Variants in ANO2 observed in about 807,000 individuals in gnomAD.
The protein encoded by ANO2 is anoctamin 2, also known as anoctamin-2.
ANO2 carries 101 observed loss-of-function variants against 124.2 expected under a neutral mutation model. The observed-to-expected ratio is 0.81, with a 90% CI of 0.69 to 0.96. ANO2 has a LOEUF of 0.96. ANO2 is among the 40% of genes least tolerant of loss of function. The pLI, the probability that ANO2 is intolerant of heterozygous loss-of-function variation, is 0.00. For missense variants in ANO2, 1,293 were observed against 1,274.5 expected (o/e 1.01, Z -0.22); for synonymous variants, 486 against 482.5 (o/e 1.01, Z -0.09).
intron 4 of ANO2, among the ~76,000 whole-genome samples, chr12:5,838,666 C>T (rs1954406387): frequency 6.6e-6 from 1 of 152,224 alleles, no homozygotes. Context: ...CTCCCAGGAG[C>T]CCTTCCTTGC....
Position 5,566,652 on chromosome 12 carries a change from T to C in ANO2, c.2622-989A>G, listed in dbSNP as rs752290379. Among the ~76,000 whole-genome samples the C allele has an allele frequency of 6.6e-5, 10 of 152,312 alleles. No individual in the cohort carries two copies. In the Middle Eastern group the frequency reaches 0.017, roughly 259 times the overall value. On this transcript the variant is annotated intron_variant, in intron 23 of 24. Coordinates refer to ENST00000682330, the MANE Select transcript of ANO2 (RefSeq NM_001364791.2). The stretch of plus-strand genomic sequence containing the variant: ...TAGGGACTCTGCCCGGGTCAATCCC[T>C]GAGCAAAGGGTTTTTCTGGAAGGTT...
Position 5,883,502 on chromosome 12 carries a change from G to GGTGTGTGTGTGTGTGTGT in ANO2, c.535-29379_535-29362dup, listed in dbSNP as rs5796191. On this transcript the variant is annotated intron_variant, in intron 3 of 24. Transcript: ENST00000682330. ...ATGTGTGCGTGTTTGACATTAGGGT[G>GGTGTGTGTGTGTGTGTGT]GTGTGTGTGTGTGTGTGTGTGTGTG... Among the ~76,000 whole-genome samples the GGTGTGTGTGTGTGTGTGT allele has an allele frequency of 1.4e-3, 206 of 144,682 alleles. 1 individual carries two copies. The highest frequency in any genetic ancestry group is 5.1e-3 in the African/African-American group (198 of 38,540). The allele number at this position is 144,682 out of a possible 152,430, so 94.9% of individuals were successfully genotyped here. A position where few individuals can be genotyped will look rare whatever the true frequency, so the allele number is the denominator to read the frequency against.
chr12:5,574,511 A>G (rs1240249572), intron 23 of ANO2, among the ~76,000 whole-genome samples: 4 of 151,646 alleles, frequency 2.6e-5, no homozygotes, highest in African/African-American at 9.8e-5. Context: ...CTCCCTATCA[A>G]TGTAACCACA....
At chr12:5,795,754 T>TA (rs1293645313) in intron 10 of ANO2, among the ~76,000 whole-genome samples, 1 of 152,162 alleles carries the variant, frequency 6.6e-6, no homozygotes, top group Non-Finnish European at 1.5e-5. Flanking sequence ...TTAACTTTAG[T>TA]AAAAAGACAG....
intron 20 of ANO2, among the ~76,000 whole-genome samples, chr12:5,598,499 G>A (rs553388213): frequency 6.6e-6 from 1 of 152,226 alleles, no homozygotes; most frequent in Non-Finnish European, 1.5e-5. Context: ...GGGATTACAG[G>A]TGCCTGCCAC....
At chr12:5,812,400 G>A (rs1174035800) in intron 7 of ANO2, among the ~76,000 whole-genome samples, 1 of 143,416 alleles carries the variant, frequency 7.0e-6, no homozygotes, top group Non-Finnish European at 1.5e-5. Context: ...GGGAAGGAAG[G>A]AAGGAGGGAG....
chr12:5,873,580 G>A (rs567148161), intron 3 of ANO2, among the ~76,000 whole-genome samples: 1 of 152,362 alleles, frequency 6.6e-6, no homozygotes, highest in Non-Finnish European at 1.5e-5. Flanking sequence ...GCTGGGAGGA[G>A]CATGTCCTGG....
At chr12:5,915,865 C>T (rs571017911) in intron 3 of ANO2, among the ~76,000 whole-genome samples, 1 of 152,284 alleles carries the variant, frequency 6.6e-6, no homozygotes, top group Admixed American at 6.5e-5. Flanking sequence ...AAGGAGGCGA[C>T]GATTCATTCT....
chr12:5,672,885 A>G (rs1250937191), intron 14 of ANO2, among the ~76,000 whole-genome samples: 1 of 152,212 alleles, frequency 6.6e-6, no homozygotes, highest in Non-Finnish European at 1.5e-5. Context: ...TGGAAGTTCT[A>G]CATAGTCTTA....
At chr12:5,641,767 A>C (rs2136948608) in intron 15 of ANO2, among the ~76,000 whole-genome samples, 1 of 152,338 alleles carries the variant, frequency 6.6e-6, no homozygotes, top group East Asian at 1.9e-4. Context: ...ATTTATATCA[A>C]GATTTGGAGT....
At chr12:5,627,679 A>C (rs1023451133) in intron 16 of ANO2, among the ~76,000 whole-genome samples, 3 of 152,236 alleles carry the variant, frequency 2.0e-5, no homozygotes, top group African/African-American at 7.2e-5. Flanking sequence ...AGCCATTTGT[A>C]CCTGTGACAC....
intron 1 of ANO2, among the ~76,000 whole-genome samples, chr12:5,931,815 T>C (rs1211321932): frequency 4.6e-3 from 532 of 114,908 alleles, no homozygotes; most frequent in African/African-American, 0.019. Context: ...GGAAAGAAGA[T>C]AGACTAGTAA....
rs955056419 is a variant in ANO2, at chr12:5,635,099, C to G, written c.1816+53G>C. ...TTATTTTATCACCAAAAGCCTTGCA[C>G]GCATTGACTTAAAGAGGGCCTAGGA... On this transcript the variant is annotated intron_variant, in intron 16 of 24. Coordinates refer to ENST00000682330, the MANE Select transcript of ANO2 (RefSeq NM_001364791.2). This position sits in a 1 kb window ranked among gnomAD's most constrained non-coding sequence, Gnocchi z 5.2. 2 of 1,439,176 alleles carry G rather than the reference C, an allele frequency of 1.4e-6. No homozygotes were observed. The highest frequency in any genetic ancestry group is 1.9e-6 in the Non-Finnish European group (2 of 1,080,128). 89.2% of individuals were successfully genotyped at this position (1,439,176 alleles called of 1,614,324 possible). A position where few individuals can be genotyped will look rare whatever the true frequency, so the allele number is the denominator to read the frequency against.
Position 5,563,315 on chromosome 12 carries a change from T to G in ANO2, c.2981A>C (p.Gln994Pro). 6.2e-7 allele frequency: 1 copy of G among 1,600,482 alleles called. No homozygotes were observed. The highest frequency in any genetic ancestry group is 8.5e-7 in the Non-Finnish European group (1 of 1,176,670). The stretch of plus-strand genomic sequence containing the variant: ...CTGAACTGCTCACACATTGGTGTGC[T>G]GAGAGCCTGACGACATCATGCTGCC... ...QLGSMMSSGS[Q>P]HTNV is the part of the protein sequence containing the mutation. Residue 994 changes from glutamine (Q) to proline (P), a missense_variant, in exon 25 of 25, where the codon CAG becomes CCG. Physicochemically the swap from Gln to Pro is moderately conservative, Grantham distance 76 (BLOSUM62 -1). Transcript: ENST00000682330.
chr12:5,795,249 C>T (rs1478188070), intron 10 of ANO2, among the ~76,000 whole-genome samples: 1 of 152,214 alleles, frequency 6.6e-6, no homozygotes, highest in Non-Finnish European at 1.5e-5. Flanking sequence ...GAAATGGTAA[C>T]CCCATAGAGA....
At chr12:5,577,195 G>T (rs763104242) in intron 22 of ANO2, among the ~76,000 whole-genome samples, 1 of 152,222 alleles carries the variant, frequency 6.6e-6, no homozygotes, top group African/African-American at 2.4e-5. Context: ...GGGCTGATTT[G>T]CTCTGCCTCA....
In ANO2 at chr12:5,798,529, C is replaced by T. The variant is rs142014240; in HGVS notation, c.1055+978G>A. 1.7e-3 allele frequency among the ~76,000 whole-genome samples: 256 copies of T among 152,310 alleles called. 1 individual carries two copies. Among genetic ancestry groups the T allele is most frequent in the African/African-American group, 5.4e-3 (223 of 41,574 alleles). On this transcript the variant is annotated intron_variant, in intron 10 of 24. Transcript: ENST00000682330. ...AGCCCAGGGCAACCAGCCAGGAACA[C>T]GCTCTATTCTCAGGCTGATGAATTA...
rs1565638561 is a variant in ANO2 at position 5,748,881 on chromosome 12, A to C, written c.1190+1955T>G. Reference sequence around the variant, plus strand: ...TTCCCTTCACCCTCCAAAAAAAAAAAAAAAAAACAAAACAAAACACTTGAC... The same window carrying C: ...TTCCCTTCACCCTCCAAAAAAAAAACAAAAAAACAAAACAAAACACTTGAC... On this transcript the variant is annotated intron_variant, in intron 11 of 24. Transcript: ENST00000682330. Among the ~76,000 whole-genome samples the C allele has an allele frequency of 1.3e-5, 2 of 151,604 alleles. 1 individual carries two copies. The highest frequency in any genetic ancestry group is 1.3e-4 in the Admixed American group (2 of 15,266).
At chr12:5,606,807 G>T (rs1944243134) in intron 19 of ANO2, among the ~76,000 whole-genome samples, 1 of 152,080 alleles carries the variant, frequency 6.6e-6, no homozygotes, top group Non-Finnish European at 1.5e-5. Context: ...CGCACATACA[G>T]AATCTAATGA....
Sources: gnomAD v4.1 joint callset for allele counts (sites outside exome capture counted in the v4.1 genomes callset) on GRCh38, gnomAD v4.1.1 for gene constraint, Gnocchi (gnomAD v3.1) non-coding constraint, MANE v1.5 for transcripts, NCBI Gene and HGNC (gene_info 2026-07-23, HGNC 2026-07-21) for gene names.